The following THRB variants were observed in gnomAD, a reference collection of about 807,000 sequenced individuals.
The protein encoded by THRB is thyroid hormone receptor beta, also known as nuclear receptor subfamily 1 group A member 2.
THRB carries 12 observed loss-of-function variants against 47.8 expected under a neutral mutation model. The ratio of observed to expected loss-of-function variants is 0.25; its 90% confidence interval spans 0.16 to 0.41. THRB has a LOEUF of 0.41. Among genes scored for constraint, THRB ranks in the 10% least tolerant of loss-of-function variants. THRB has a pLI of 1.00. For synonymous variants in THRB, 218 were observed against 212.2 expected (o/e 1.03, Z -0.24); for missense variants, 348 against 589.2 (o/e 0.59, Z 4.24).
At position 24,297,324 on chromosome 3, in the gene THRB, C is replaced by G. The variant is rs944262842; in HGVS notation, c.-141G>C. 5 of 152,214 alleles carry G rather than the reference C, an allele frequency of 3.3e-5. No homozygotes were observed. The East Asian group carries it at 9.6e-4, about 29-fold the overall frequency. The allele number at this position is 152,214 out of a possible 1,614,324, so 9.4% of individuals were successfully genotyped here. ...ATTTCCTCTTCCTACAGTGAAGTCA[C>G]TGGGGGCAGATGAAATATAAAATGC... is the stretch of plus-strand genomic sequence containing the variant. On this transcript the variant is annotated 5_prime_UTR_variant, in exon 3 of 11. Transcript: ENST00000646209.
Position 24,142,380 on chromosome 3 carries a change from C to T in THRB, c.738+1121G>A, listed in dbSNP as rs145763956. Among the ~76,000 whole-genome samples, 462 of 152,296 alleles carry T rather than the reference C, an allele frequency of 3.0e-3. 2 individuals carry two copies. Among genetic ancestry groups the T allele is most frequent in the African/African-American group, 0.01 (434 of 41,562 alleles). On this transcript the variant is annotated intron_variant, in intron 8 of 10. Coordinates refer to ENST00000646209, the MANE Select transcript of THRB (RefSeq NM_001354712.2). ...TGCTGGCACTATTGTTTCATTACAA[C>T]GAAAGTAATTGTGTCAGTACAGGTG...
At chr3:24,161,425 G>A (rs994044159) in intron 5 of THRB, among the ~76,000 whole-genome samples, 1 of 151,944 alleles carries the variant, frequency 6.6e-6, no homozygotes, top group African/African-American at 2.4e-5. Context: ...GGAAGAATAA[G>A]GATGGGAGAG....
At chr3:24,341,303 C>T (rs1360670290) in intron 1 of THRB, among the ~76,000 whole-genome samples, 1 of 142,700 alleles carries the variant, frequency 7.0e-6, no homozygotes, top group African/African-American at 2.7e-5. Context: ...ACAATCTTGG[C>T]TCACTGACAC....
intron 3 of THRB, among the ~76,000 whole-genome samples, chr3:24,234,086 C>G (rs1431812248): frequency 6.6e-6 from 1 of 152,174 alleles, no homozygotes; most frequent in Non-Finnish European, 1.5e-5. Context: ...CTGCATGTCC[C>G]TCACTCCTTC....
chr3:24,466,621 T>C (rs112936661), intron 1 of THRB, among the ~76,000 whole-genome samples: 38 of 152,316 alleles, frequency 2.5e-4, no homozygotes, highest in African/African-American at 8.9e-4. Flanking sequence ...CAGTCGTGGA[T>C]ATTGCAATAA....
intron 10 of THRB, among the ~76,000 whole-genome samples, chr3:24,125,244 T>C (rs549912162): frequency 6.6e-6 from 1 of 152,354 alleles, no homozygotes; most frequent in Admixed American, 6.5e-5. Context: ...CTGAAGGTTC[T>C]GGCTGAACAT....
intron 1 of THRB, among the ~76,000 whole-genome samples, chr3:24,344,243 T>C (rs914761964): frequency 3.9e-5 from 6 of 152,098 alleles, no homozygotes; most frequent in African/African-American, 9.6e-5. Context: ...AGTAGGTGTA[T>C]AGTATTGCCA....
chr3:24,216,125 C>A (rs1268335331), intron 4 of THRB, among the ~76,000 whole-genome samples: 1 of 152,178 alleles, frequency 6.6e-6, no homozygotes, highest in African/African-American at 2.4e-5. Context: ...CAGTCAGAGT[C>A]AATGGATGCT....
At chr3:24,205,978 C>T (rs867767687) in intron 4 of THRB, among the ~76,000 whole-genome samples, 31 of 152,198 alleles carry the variant, frequency 2.0e-4, no homozygotes, top group Admixed American at 4.6e-4. Context: ...GCACCTAATA[C>T]AGGAGCACCC....
intron 1 of THRB, among the ~76,000 whole-genome samples, chr3:24,435,804 T>C (rs1261886253): frequency 6.6e-6 from 1 of 152,216 alleles, no homozygotes; most frequent in Non-Finnish European, 1.5e-5. Context: ...TATGCACACA[T>C]GCAGATGCAA....
intron 1 of THRB, among the ~76,000 whole-genome samples, chr3:24,355,566 C>T (rs1158027974): frequency 6.6e-6 from 1 of 152,090 alleles, no homozygotes; most frequent in African/African-American, 2.4e-5. Context: ...AGGAAATACA[C>T]AACGAAACAC....
At chr3:24,311,492 G>C (rs1168505842) in intron 2 of THRB, among the ~76,000 whole-genome samples, 1 of 152,040 alleles carries the variant, frequency 6.6e-6, no homozygotes, top group Non-Finnish European at 1.5e-5. Context: ...AAGAAAACCT[G>C]ATCTTAGATT....
intron 2 of THRB, among the ~76,000 whole-genome samples, chr3:24,316,893 C>G (rs1310067895): frequency 2.6e-5 from 4 of 152,190 alleles, no homozygotes; most frequent in African/African-American, 9.6e-5. Context: ...CTGTTCACTC[C>G]TTTTCGTGAA....
intron 2 of THRB, among the ~76,000 whole-genome samples, chr3:24,315,104 C>T (rs2058027112): frequency 6.6e-6 from 1 of 152,184 alleles, no homozygotes; most frequent in African/African-American, 2.4e-5. Flanking sequence ...TGTAATCCCA[C>T]CCTTAGGAAG....
At chr3:24,494,606 G>GCCCACCCTGTGGACAGTTGGAACTGTCGC (rs1698757664) in intron 1 of THRB, 46 bp downstream of exon 1, 1 of 141,930 alleles carries the variant, frequency 7.0e-6, no homozygotes, top group Non-Finnish European at 1.5e-5. Context: ...TCACCATCCC[G>GCCCACCCTGTGGACAGTTGGAACTGTCGC]CCCACCCTGT....
At chr3:24,313,348 A>G (rs1428075985) in intron 2 of THRB, among the ~76,000 whole-genome samples, 2 of 152,148 alleles carry the variant, frequency 1.3e-5, no homozygotes, top group Non-Finnish European at 2.9e-5. Flanking sequence ...CACATCCAGA[A>G]ATGCCTTGGA....
intron 1 of THRB, among the ~76,000 whole-genome samples, chr3:24,419,659 C>G (rs2069062882): frequency 6.6e-6 from 1 of 151,880 alleles, no homozygotes; most frequent in African/African-American, 2.4e-5. Context: ...CTGCAATTAG[C>G]TTATAAAAAT....
chr3:24,229,102 A>G (rs1467911198), intron 3 of THRB, 101 bp from the exon 4 acceptor site: 7 of 760,154 alleles, frequency 9.2e-6, no homozygotes, highest in Non-Finnish European at 1.2e-5. Flanking sequence ...CCTTGAAGCA[A>G]TATTTGTTAC....
At chr3:24,176,797 T>TG (rs1368494740) in intron 5 of THRB, among the ~76,000 whole-genome samples, 1 of 151,910 alleles carries the variant, frequency 6.6e-6, no homozygotes, top group Non-Finnish European at 1.5e-5. Context: ...GGCACAGGAA[T>TG]GGGGAGTAAC....
Sources: gnomAD v4.1 joint callset for allele counts (sites outside exome capture counted in the v4.1 genomes callset) on GRCh38, gnomAD v4.1.1 for gene constraint, MANE v1.5 for transcripts, NCBI Gene and HGNC (gene_info 2026-07-23, HGNC 2026-07-21) for gene names.